CDH9: variants seen among roughly 807,000 people sequenced by gnomAD.
CDH9 encodes the protein cadherin-9.
Under a neutral mutation model 70.9 loss-of-function variants are expected in CDH9, and 28 were observed. The observed-to-expected ratio is 0.40, with a 90% confidence interval of 0.29 to 0.54. The LOEUF (loss-of-function observed/expected upper bound fraction) is 0.54. CDH9 is among the 20% of genes least tolerant of loss of function. The pLI is 0.59. For missense variants in CDH9, 874 were observed against 984.4 expected (o/e 0.89, Z 1.50); for synonymous variants, 409 against 343.1 (o/e 1.19, Z -2.12).
intron 2 of CDH9, among the ~76,000 whole-genome samples, chr5:26,979,487 T>TG (rs1034454524): frequency 6.6e-6 from 1 of 151,268 alleles, no homozygotes; most frequent in Non-Finnish European, 1.5e-5. Context: ...AAAGAACAAC[T>TG]GGGGGGAACA....
intron 1 of CDH9, among the ~76,000 whole-genome samples, chr5:27,009,047 A>G (rs548738767): frequency 6.6e-6 from 1 of 152,308 alleles, no homozygotes; most frequent in African/African-American, 2.4e-5. Flanking sequence ...TTTGGTAAAT[A>G]ACATGATGAT....
rs534703543 is a variant in CDH9, at chr5:26,978,705, A to C, written c.228+9401T>G. 2.6e-5 allele frequency among the ~76,000 whole-genome samples: 4 copies of C among 151,996 alleles called. No individual in the cohort carries two copies. The East Asian group carries it at 7.7e-4, about 29-fold the overall frequency. On this transcript the variant is annotated intron_variant, in intron 2 of 11. Coordinates refer to ENST00000231021, the MANE Select transcript of CDH9 (RefSeq NM_016279.4). ...AAACAGAGTTAGGTATCAAATTAAG[A>C]ATACTGAAAGCAAAGATATAAATAG... is the stretch of plus-strand genomic sequence containing the variant.
intron 2 of CDH9, among the ~76,000 whole-genome samples, chr5:26,916,547 G>A (rs1458678290): frequency 1.3e-5 from 2 of 151,922 alleles, no homozygotes; most frequent in Non-Finnish European, 2.9e-5. Context: ...TAAGTGATAA[G>A]CAACAATAAC....
At position 26,997,118 on chromosome 5, in the gene CDH9, A is replaced by T. The variant is rs190681014; in HGVS notation, c.-49-8736T>A. 4.4e-3 allele frequency among the ~76,000 whole-genome samples: 667 copies of T among 152,286 alleles called. 5 individuals carry two copies. The highest frequency in any genetic ancestry group is 0.015 in the African/African-American group (635 of 41,570). Reference sequence around the variant, plus strand: ...TTATAAAATATGATATGTATAGAATATATGAAATGATAGAATATAAAGACT... The same window carrying T: ...TTATAAAATATGATATGTATAGAATTTATGAAATGATAGAATATAAAGACT... On this transcript the variant is annotated intron_variant, in intron 1 of 11. Coordinates refer to ENST00000231021, the MANE Select transcript of CDH9 (RefSeq NM_016279.4).
chr5:27,014,709 T>A (rs1743016895), intron 1 of CDH9, among the ~76,000 whole-genome samples: 1 of 151,874 alleles, frequency 6.6e-6, no homozygotes, highest in Non-Finnish European at 1.5e-5. Flanking sequence ...AAATACATTT[T>A]GCAGAGGGTT....
chr5:26,952,421 T>G (rs1285115057), intron 2 of CDH9, among the ~76,000 whole-genome samples: 1 of 116,278 alleles, frequency 8.6e-6, no homozygotes, highest in Non-Finnish European at 1.7e-5. Context: ...GAGACCATCC[T>G]GGCTAACACG....
At chr5:27,032,375 T>C (rs577272195) in intron 1 of CDH9, among the ~76,000 whole-genome samples, 1 of 151,794 alleles carries the variant, frequency 6.6e-6, no homozygotes, top group Admixed American at 6.6e-5. Flanking sequence ...TAAATAAGTG[T>C]ACATATTATT....
chr5:26,972,429 T>TG (rs1307916835), intron 2 of CDH9, among the ~76,000 whole-genome samples: 5 of 152,164 alleles, frequency 3.3e-5, no homozygotes, highest in African/African-American at 1.2e-4. Context: ...TCAGTATATG[T>TG]GGGGGCTGAG....
chr5:26,906,195 T>C, intron 4 of CDH9, 69 bp from the exon 5 acceptor site: 2 of 1,331,292 alleles, frequency 1.5e-6, no homozygotes, highest in South Asian at 2.6e-5. Flanking sequence ...TAGACAAGAC[T>C]CATTTTACAA....
At chr5:26,975,000 G>A (rs765015064) in intron 2 of CDH9, among the ~76,000 whole-genome samples, 12 of 151,784 alleles carry the variant, frequency 7.9e-5, no homozygotes, top group Non-Finnish European at 1.5e-4. Context: ...CCCACCCTTA[G>A]CCCCATATCT....
At chr5:26,981,866 T>C (rs146789692) in intron 2 of CDH9, among the ~76,000 whole-genome samples, 167 of 128,876 alleles carry the variant, frequency 1.3e-3, no homozygotes, top group African/African-American at 4.5e-3. Context: ...ATTATAAATA[T>C]CTTAGGTTTT....
At position 26,915,994 on chromosome 5, in the gene CDH9, G is replaced by A. The variant is rs189652732; in HGVS notation, c.229-70C>T. 1.3e-4 allele frequency: 142 copies of A among 1,088,850 alleles called. 1 individual carries two copies. The highest frequency in any genetic ancestry group is 1.1e-3 in the South Asian group (69 of 63,442). The allele number at this position is 1,088,850 out of a possible 1,614,324, so 67.4% of individuals were successfully genotyped here. On this transcript the variant is annotated intron_variant, in intron 2 of 11. Coordinates refer to ENST00000231021, the MANE Select transcript of CDH9 (RefSeq NM_016279.4). The stretch of plus-strand genomic sequence containing the variant: ...TCATTACATAAAACATAATTTTGGC[G>A]CTATCAATTCGTCTCCATATAACAG...
chr5:26,891,727 G>A (rs993432432), intron 7 of CDH9, among the ~76,000 whole-genome samples: 2 of 151,812 alleles, frequency 1.3e-5, no homozygotes, highest in African/African-American at 4.8e-5. Context: ...CAGAAAATTG[G>A]TTTAGAGAGA....
At chr5:26,999,844 C>T (rs1323576460) in intron 1 of CDH9, among the ~76,000 whole-genome samples, 1 of 151,948 alleles carries the variant, frequency 6.6e-6, no homozygotes, top group Non-Finnish European at 1.5e-5. Flanking sequence ...AAAACAAATC[C>T]TATCCTTTGC....
rs191793427 is a variant in CDH9, at chr5:26,887,061, A to G, written c.1513-978T>C. 1.8e-4 allele frequency among the ~76,000 whole-genome samples: 27 copies of G among 152,306 alleles called. No homozygotes were observed. The East Asian group carries it at 5.0e-3, about 28-fold the overall frequency. The stretch of plus-strand genomic sequence containing the variant: ...ACCTTTTATAACTATACTAACCTAC[A>G]TACTCACTAGTCAGTGTTATTTTCA... On this transcript the variant is annotated intron_variant, in intron 9 of 11. Coordinates refer to ENST00000231021, the MANE Select transcript of CDH9 (RefSeq NM_016279.4).
At position 26,987,980 on chromosome 5, in the gene CDH9, T is replaced by C. The variant is rs572218583; in HGVS notation, c.228+126A>G. The C allele has an allele frequency of 3.6e-5, 24 of 672,384 alleles. 1 individual carries two copies. In the South Asian group the frequency reaches 4.2e-4, roughly 12 times the overall value. 41.7% of individuals were successfully genotyped at this position (672,384 alleles called of 1,614,324 possible). Reference sequence around the variant, plus strand: ...TCTTCCCCACTAAAATAGTTTGCAATATCACACCTTCAGAACATAATTAGT... The same window carrying C: ...TCTTCCCCACTAAAATAGTTTGCAACATCACACCTTCAGAACATAATTAGT... On this transcript the variant is annotated intron_variant, in intron 2 of 11. Coordinates refer to ENST00000231021, the MANE Select transcript of CDH9 (RefSeq NM_016279.4).
intron 1 of CDH9, among the ~76,000 whole-genome samples, chr5:26,988,961 C>A (rs529782597): frequency 1.3e-5 from 2 of 152,044 alleles, no homozygotes; most frequent in Middle Eastern, 3.4e-3. Flanking sequence ...CCATGTCGAT[C>A]TTTTCCAATC....
chr5:26,968,480 T>G (rs1368705068), intron 2 of CDH9, among the ~76,000 whole-genome samples: 1 of 151,484 alleles, frequency 6.6e-6, no homozygotes, highest in African/African-American at 2.4e-5. Flanking sequence ...GAGATGGTGT[T>G]TCATCATGTT....
intron 2 of CDH9, among the ~76,000 whole-genome samples, chr5:26,966,867 C>T (rs529597458): frequency 6.6e-6 from 1 of 152,194 alleles, no homozygotes; most frequent in African/African-American, 2.4e-5. Context: ...ATTGACTTGT[C>T]ATTTCTTCCA....
Sources: allele counts gnomAD v4.1 joint callset (sites outside exome capture counted in the v4.1 genomes callset), GRCh38; gene constraint gnomAD v4.1.1; transcripts MANE v1.5; gene names NCBI Gene and HGNC (gene_info 2026-07-23, HGNC 2026-07-21).